ERI1: variants seen among roughly 807,000 people sequenced by gnomAD.
ERI1 encodes 3'-5' exoribonuclease 1.
Under a neutral mutation model 39.7 loss-of-function variants are expected in ERI1, and 39 were observed. The ratio of observed to expected loss-of-function variants is 0.98; its 90% CI spans 0.76 to 1.28. The LOEUF (loss-of-function observed/expected upper bound fraction) is 1.28. Among genes scored for constraint, ERI1 ranks in the 50% most tolerant of loss-of-function variants. The pLI, the probability that ERI1 is intolerant of heterozygous loss-of-function variation, is 0.00. For synonymous variants in ERI1, 204 were observed against 149.6 expected (o/e 1.36, Z -2.65); for missense variants, 581 against 416.9 (o/e 1.39, Z -3.43).
intron 3 of ERI1, among the ~76,000 whole-genome samples, chr8:9,074,012 G>A (rs192901945): frequency 6.6e-6 from 1 of 152,028 alleles, no homozygotes; most frequent in East Asian, 1.9e-4. Context: ...TCTTGAACTC[G>A]CAGGCTCAAG....
chr8:9,026,228 C>T (rs965226021), intron 6 of ERI1, among the ~76,000 whole-genome samples: 10 of 152,172 alleles, frequency 6.6e-5, no homozygotes, highest in African/African-American at 2.4e-4. Flanking sequence ...TAGGAATGCC[C>T]ACCCTGTATA....
intron 3 of ERI1, among the ~76,000 whole-genome samples, chr8:9,041,880 A>G (rs544355335): frequency 2.0e-5 from 3 of 152,234 alleles, no homozygotes; most frequent in East Asian, 3.9e-4. Flanking sequence ...GAATACAGGC[A>G]TGCACCACCA....
At chr8:9,074,115 G>C (rs28482415) in intron 3 of ERI1, among the ~76,000 whole-genome samples, 1 of 150,916 alleles carries the variant, frequency 6.6e-6, no homozygotes, top group African/African-American at 2.4e-5. Context: ...TTATTTTTTC[G>C]TTTTTGTTTT....
chr8:9,091,858 C>G (rs532279379), intron 3 of ERI1, among the ~76,000 whole-genome samples: 1 of 152,314 alleles, frequency 6.6e-6, no homozygotes, highest in Admixed American at 6.5e-5. Context: ...AAGAGACAGA[C>G]ATTCCTAAAT....
In ERI1 at chr8:9,030,985, C is replaced by T. The variant is rs547324112; in HGVS notation, c.*951C>T. ...TAAAAGACTTGTTTTTCTGATTTTA[C>T]ATAGTAAATGGCTGCTAAGTATTGA... On this transcript the variant is annotated 3_prime_UTR_variant, in exon 7 of 7. Transcript: ENST00000250263. 1 of 152,268 alleles carries T rather than the reference C, an allele frequency of 6.6e-6. No individual in the cohort carries two copies. The highest frequency in any genetic ancestry group is 1.9e-4 in the East Asian group (1 of 5,188). 9.4% of individuals were successfully genotyped at this position (152,268 alleles called of 1,614,324 possible).
At chr8:9,014,613 T>G (rs916364471) in intron 3 of ERI1, among the ~76,000 whole-genome samples, 1 of 152,264 alleles carries the variant, frequency 6.6e-6, no homozygotes, top group East Asian at 1.9e-4. Flanking sequence ...TAAAAGTATT[T>G]AGTAGCGAAT....
chr8:9,071,597 T>A lies in ERI1; in HGVS notation n.300-44751T>A, dbSNP rs1480957345. 5.9e-5 allele frequency among the ~76,000 whole-genome samples: 9 copies of A among 152,358 alleles called. No homozygotes were observed. In the East Asian group the frequency reaches 1.7e-3, roughly 29 times the overall value. ...AATGCTTTCTCCAGATAGGACGGGA[T>A]AATTGACTCCTTTAACTTGGTAACC... On this transcript the variant is annotated intron_variant and non_coding_transcript_variant, in intron 3 of 3. Coordinates refer to the ERI1 transcript ENST00000518663.
chr8:9,034,348 ATTTTG>A (rs376162478), downstream of ERI1, among the ~76,000 whole-genome samples: 141 of 152,258 alleles, frequency 9.3e-4, no homozygotes, highest in African/African-American at 3.0e-3. Flanking sequence ...CGCAGATACT[ATTTTG>A]TTTTGTTTTG....
rs745712480 is a variant in ERI1, at chr8:9,013,828, C to G, written c.498+2076C>G. On this transcript the variant is annotated intron_variant, in intron 3 of 6. Coordinates refer to ENST00000250263, the MANE Select transcript of ERI1 (RefSeq NM_153332.4). ...TCTTTGACTCTTGTTTCTCTCACAT[C>G]CAGGTCATCAATGATTCCTGTTTGG... Among the ~76,000 whole-genome samples, 3 of 152,152 alleles carry G rather than the reference C, an allele frequency of 2.0e-5. No individual in the cohort carries two copies. The East Asian group carries it at 5.8e-4, about 29-fold the overall frequency.
chr8:9,083,636 T>TAAA (rs11434262), intron 3 of ERI1, among the ~76,000 whole-genome samples: 1 of 144,980 alleles, frequency 6.9e-6, no homozygotes, highest in African/African-American at 2.5e-5. Flanking sequence ...TGGTCCATGT[T>TAAA]AAAAAAAAAA....
At chr8:9,099,731 T>G (rs924995514) in intron 3 of ERI1, 2 of 152,230 alleles carry the variant, frequency 1.3e-5, no homozygotes, top group African/African-American at 4.8e-5. Flanking sequence ...ATACAGCAAT[T>G]TATTTATCCT....
In ERI1 at chr8:9,032,530, C is replaced by A. The variant is rs1227547875; in HGVS notation, c.*2496C>A. 1 of 152,012 alleles carries A rather than the reference C, an allele frequency of 6.6e-6. No homozygotes were observed. The highest frequency in any genetic ancestry group is 2.4e-5 in the African/African-American group (1 of 41,390). The allele number at this position is 152,012 out of a possible 1,614,324, so 9.4% of individuals were successfully genotyped here. ...TGTCTTTGTTGCCTTGAGATAGATC[C>A]ATTTATCCTGCCTCCTAGGGAGAAG... On this transcript the variant is annotated 3_prime_UTR_variant, in exon 7 of 7. Transcript: ENST00000250263.
At chr8:9,092,284 C>A (rs1446660135) in intron 3 of ERI1, among the ~76,000 whole-genome samples, 1 of 152,094 alleles carries the variant, frequency 6.6e-6, no homozygotes, top group Non-Finnish European at 1.5e-5. Context: ...GATGGCATCC[C>A]CACAGTGTGA....
intron 3 of ERI1, among the ~76,000 whole-genome samples, chr8:9,047,382 T>C (rs1281836725): frequency 6.6e-6 from 1 of 152,052 alleles, no homozygotes; most frequent in African/African-American, 2.4e-5. Flanking sequence ...CACAGAGTGG[T>C]CCCTGGGCCT....
At chr8:9,038,130 A>C (rs1257952613), downstream of ERI1, among the ~76,000 whole-genome samples, 2 of 152,210 alleles carry the variant, frequency 1.3e-5, no homozygotes, top group Non-Finnish European at 2.9e-5. Flanking sequence ...TAATCAGTGG[A>C]GTCTCCATAC....
At chr8:9,060,262 G>T (rs568677373) in intron 3 of ERI1, among the ~76,000 whole-genome samples, 24 of 152,292 alleles carry the variant, frequency 1.6e-4, no homozygotes, top group African/African-American at 5.1e-4. Context: ...CTGACAGAAG[G>T]GAAGAAATGA....
At chr8:9,062,959 G>GA (rs1441919675) in intron 3 of ERI1, among the ~76,000 whole-genome samples, 1 of 152,204 alleles carries the variant, frequency 6.6e-6, no homozygotes, top group South Asian at 2.1e-4. Context: ...CAGGTGTTTG[G>GA]AGTTCTTGTG....
chr8:9,016,841 C>T (rs1817348281), intron 4 of ERI1, among the ~76,000 whole-genome samples: 1 of 151,720 alleles, frequency 6.6e-6, no homozygotes, highest in South Asian at 2.1e-4. Flanking sequence ...GCGTTGCCAC[C>T]ACACCCGGCT....
At chr8:9,056,648 A>AG (rs34646090) in intron 3 of ERI1, among the ~76,000 whole-genome samples, 67,906 of 152,032 alleles carry the variant, frequency 0.45, 16,609 homozygotes, top group East Asian at 0.73. Context: ...CAAAGTCTAA[A>AG]GTGCATTTTT....
Sources: allele counts gnomAD v4.1 joint callset (sites outside exome capture counted in the v4.1 genomes callset), GRCh38; gene constraint gnomAD v4.1.1; transcripts MANE v1.5; gene names NCBI Gene and HGNC (gene_info 2026-07-23, HGNC 2026-07-21).